Variants in OR10J1 observed in about 807,000 individuals in gnomAD.
OR10J1 encodes olfactory receptor family 10 subfamily J member 1.
For missense variants in OR10J1, 474 were observed against 376.6 expected (o/e 1.26, Z -2.14); for synonymous variants, 202 against 143.8 (o/e 1.40, Z -2.89).
the OR10J1 span, among the ~76,000 whole-genome samples, chr1:159,412,467 T>A: frequency 6.7e-6 from 1 of 148,954 alleles, no homozygotes; most frequent in Non-Finnish European, 1.5e-5. Flanking sequence ...CAAAACAGCA[T>A]GGTACTGGTA....
chr1:159,418,011 G>A, the OR10J1 span, among the ~76,000 whole-genome samples: 3 of 152,184 alleles, frequency 2.0e-5, no homozygotes, highest in East Asian at 3.8e-4. Flanking sequence ...GAACTTGAGG[G>A]AGATGATTTA....
the OR10J1 span, among the ~76,000 whole-genome samples, chr1:159,398,022 C>T: frequency 6.6e-6 from 1 of 152,124 alleles, no homozygotes; most frequent in Non-Finnish European, 1.5e-5. Flanking sequence ...TGTCACTACA[C>T]CCCCAGCTGT....
chr1:159,413,141 A>G, the OR10J1 span, among the ~76,000 whole-genome samples: 1 of 152,342 alleles, frequency 6.6e-6, no homozygotes, highest in South Asian at 2.1e-4. Context: ...ACAATGAGAT[A>G]CCACCTCACA....
chr1:159,406,301 G>T, the OR10J1 span: 1 of 512,914 alleles, frequency 1.9e-6, no homozygotes. Flanking sequence ...AATCTGTGCT[G>T]TCACCTGAAG....
chr1:159,408,675 C>T, the OR10J1 span, among the ~76,000 whole-genome samples: 3 of 151,930 alleles, frequency 2.0e-5, no homozygotes, highest in Non-Finnish European at 4.4e-5. Context: ...AAGTCTGAAC[C>T]TGTCTGTAAC....
the OR10J1 span, among the ~76,000 whole-genome samples, chr1:159,422,682 G>A: frequency 6.6e-6 from 1 of 152,188 alleles, no homozygotes; most frequent in Non-Finnish European, 1.5e-5. Flanking sequence ...GACTCTGGGG[G>A]TTGTGGGACC....
chr1:159,423,998 C>T, the OR10J1 span, among the ~76,000 whole-genome samples: 2 of 152,032 alleles, frequency 1.3e-5, no homozygotes, highest in Non-Finnish European at 2.9e-5. Context: ...GAGTGGGTCA[C>T]TAGGTCAGGA....
At chr1:159,413,379 C>A in the OR10J1 span, among the ~76,000 whole-genome samples, 6 of 151,804 alleles carry the variant, frequency 4.0e-5, no homozygotes, top group Admixed American at 3.9e-4. Flanking sequence ...GCTATAAAGA[C>A]ACATGCACAC....
chr1:159,439,296 G>A (rs1266351458), upstream of OR10J1, among the ~76,000 whole-genome samples: 1 of 152,190 alleles, frequency 6.6e-6, no homozygotes, highest in Admixed American at 6.5e-5. Context: ...ATAATTTGGA[G>A]CTAGTGAAAT....
chr1:159,408,477 A>AG, the OR10J1 span, among the ~76,000 whole-genome samples: 1 of 22,476 alleles, frequency 4.4e-5, no homozygotes, highest in African/African-American at 1.8e-4. Flanking sequence ...GGATGGGGGG[A>AG]GGGGGGAGGG....
At chr1:159,437,224 A>T (rs1655761815), upstream of OR10J1, among the ~76,000 whole-genome samples, 1 of 152,232 alleles carries the variant, frequency 6.6e-6, no homozygotes, top group Admixed American at 6.5e-5. Flanking sequence ...CCTAGCCTCC[A>T]GGAGAGAATC....
chr1:159,399,427 C>A, the OR10J1 span, among the ~76,000 whole-genome samples: 2 of 151,728 alleles, frequency 1.3e-5, no homozygotes, highest in African/African-American at 4.8e-5. Context: ...AAAAATTAGC[C>A]GGGCATCGTG....
chr1:159,421,991 C>T, the OR10J1 span, among the ~76,000 whole-genome samples: 3 of 152,102 alleles, frequency 2.0e-5, no homozygotes, highest in East Asian at 5.8e-4. Context: ...CTCTGGGACC[C>T]AAGCAGTCCA....
At chr1:159,405,823 A>AG in the OR10J1 span, 2 of 1,197,190 alleles carry the variant, frequency 1.7e-6, no homozygotes, top group Non-Finnish European at 2.4e-6. Context: ...CAGCTTCAGC[A>AG]GGGGTCTCAC....
chr1:159,422,982 C>A, the OR10J1 span, among the ~76,000 whole-genome samples: 2 of 152,150 alleles, frequency 1.3e-5, no homozygotes, highest in Non-Finnish European at 2.9e-5. Flanking sequence ...CTCAAATGAG[C>A]TATTCAAAGT....
At chr1:159,406,997 G>C in the OR10J1 span, among the ~76,000 whole-genome samples, 1 of 151,998 alleles carries the variant, frequency 6.6e-6, no homozygotes, top group Non-Finnish European at 1.5e-5. Context: ...CGGAAATAGA[G>C]GTCAATGTTT....
the OR10J1 span, among the ~76,000 whole-genome samples, chr1:159,398,082 G>A: frequency 6.6e-6 from 1 of 152,336 alleles, no homozygotes; most frequent in East Asian, 1.9e-4. Flanking sequence ...GAGAAAGTAA[G>A]GGAAGAGAAT....
At chr1:159,436,407 A>G (rs1196209852), upstream of OR10J1, among the ~76,000 whole-genome samples, 5 of 152,056 alleles carry the variant, frequency 3.3e-5, no homozygotes, top group African/African-American at 9.7e-5. Flanking sequence ...TACAAGCCCT[A>G]TTGATTTCCC....
chr1:159,421,483 C>A, the OR10J1 span, among the ~76,000 whole-genome samples: 1 of 152,070 alleles, frequency 6.6e-6, no homozygotes, highest in Admixed American at 6.5e-5. Flanking sequence ...TGTGTTCTTC[C>A]ATTGATATCT....
Sources: gnomAD v4.1 joint callset for allele counts (sites outside exome capture counted in the v4.1 genomes callset) on GRCh38, gnomAD v4.1.1 for gene constraint, MANE v1.5 for transcripts, NCBI Gene and HGNC (gene_info 2026-07-23, HGNC 2026-07-21) for gene names.